The following TLE4 variants were observed in gnomAD, a reference collection of about 807,000 sequenced individuals.
TLE4 encodes transducin-like enhancer protein 4.
Under a neutral mutation model 92.8 loss-of-function variants are expected in TLE4, and 8 were observed. The ratio of observed to expected loss-of-function variants is 0.09; its 90% CI spans 0.05 to 0.16. The LOEUF (loss-of-function observed/expected upper bound fraction) is 0.16, where lower values mean the gene tolerates loss of function less well. Ranked by LOEUF, TLE4 falls within the 10% of genes least tolerant of loss-of-function variation. The probability of loss-of-function intolerance (pLI) is 1.00; values close to 1 mark genes in which losing one functional copy is unlikely to be tolerated. For synonymous variants in TLE4, 371 were observed against 374.1 expected (o/e 0.99, Z 0.10); for missense variants, 675 against 997.6 (o/e 0.68, Z 4.36).
At chr9:79,592,216 C>CTTCTTCTTCCTCT (rs1564203884) in intron 4 of TLE4, among the ~76,000 whole-genome samples, 35 of 98,328 alleles carry the variant, frequency 3.6e-4, no homozygotes, top group Non-Finnish European at 5.8e-4. Context: ...CTTCTTCTTC[C>CTTCTTCTTCCTCT]TCTTCTTCTT....
At chr9:79,705,661 C>A (rs2071339982) in intron 9 of TLE4, among the ~76,000 whole-genome samples, 2 of 152,188 alleles carry the variant, frequency 1.3e-5, no homozygotes, top group Admixed American at 1.3e-4. Flanking sequence ...AATCAGGTCA[C>A]CCTCTTGGTG....
chr9:79,577,369 C>T (rs550712412), intron 4 of TLE4, among the ~76,000 whole-genome samples: 4 of 152,238 alleles, frequency 2.6e-5, no homozygotes, highest in Non-Finnish European at 4.4e-5. Flanking sequence ...AAAAATGAGA[C>T]GTTGCTTACA....
intron 7 of TLE4, among the ~76,000 whole-genome samples, chr9:79,653,723 A>G (rs1223700226): frequency 6.6e-6 from 1 of 152,236 alleles, no homozygotes; most frequent in Non-Finnish European, 1.5e-5. Context: ...CTCTGATATT[A>G]AAAACACTGT....
At position 79,656,337 on chromosome 9, in the gene TLE4, C is replaced by T. The variant is rs117887785; in HGVS notation, c.609+2262C>T. 3.7e-3 allele frequency among the ~76,000 whole-genome samples: 570 copies of T among 152,168 alleles called. 2 individuals are homozygous for T. The highest frequency in any genetic ancestry group is 5.6e-3 in the Non-Finnish European group (384 of 68,012). ...CGTGCCAGTTGCCTGCAGCTGGAGT[C>T]GAGCTTGTATGAAATAATTTATTTA... is the stretch of plus-strand genomic sequence containing the variant. On this transcript the variant is annotated intron_variant, in intron 8 of 19. Coordinates refer to ENST00000376552, the MANE Select transcript of TLE4 (RefSeq NM_007005.6).
intron 6 of TLE4, among the ~76,000 whole-genome samples, chr9:79,646,010 CTCTAG>C (rs2058049316): frequency 6.6e-6 from 1 of 152,028 alleles, no homozygotes; most frequent in Non-Finnish European, 1.5e-5. Flanking sequence ...TATTTTAATA[CTCTAG>C]TCTATGCCCT....
At chr9:79,702,238 G>A (rs939648584) in intron 8 of TLE4, among the ~76,000 whole-genome samples, 14 of 152,140 alleles carry the variant, frequency 9.2e-5, no homozygotes, top group African/African-American at 3.4e-4. Context: ...CAGAAATTTG[G>A]AATTTTTTTC....
intron 6 of TLE4, among the ~76,000 whole-genome samples, chr9:79,630,315 A>G (rs1382751940): frequency 6.6e-6 from 1 of 152,222 alleles, no homozygotes; most frequent in East Asian, 1.9e-4. Context: ...CTTGACAATA[A>G]GCTGGTTGTG....
chr9:79,600,374 A>T (rs936420563), intron 4 of TLE4, among the ~76,000 whole-genome samples: 10 of 151,930 alleles, frequency 6.6e-5, no homozygotes, highest in Admixed American at 6.6e-5. Flanking sequence ...GTTTTTTCTG[A>T]TTTCTCAGCC....
chr9:79,616,798 C>G (rs2049742647), intron 5 of TLE4, among the ~76,000 whole-genome samples: 1 of 152,088 alleles, frequency 6.6e-6, no homozygotes, highest in South Asian at 2.1e-4. Flanking sequence ...CTAAGGTGGA[C>G]CTAAAACTCT....
At chr9:79,687,895 G>C (rs1286168244) in intron 8 of TLE4, among the ~76,000 whole-genome samples, 1 of 152,196 alleles carries the variant, frequency 6.6e-6, no homozygotes, top group Non-Finnish European at 1.5e-5. Flanking sequence ...CTTTTAATGA[G>C]CGTTAAAAGC....
chr9:79,647,560 A>C (rs563462076), intron 6 of TLE4, among the ~76,000 whole-genome samples: 40 of 152,244 alleles, frequency 2.6e-4, no homozygotes, highest in African/African-American at 9.1e-4. Context: ...TATTTCTTCT[A>C]GTTTAATTTT....
chr9:79,590,273 C>A (rs891567932), intron 4 of TLE4, among the ~76,000 whole-genome samples: 1 of 152,178 alleles, frequency 6.6e-6, no homozygotes, highest in African/African-American at 2.4e-5. Flanking sequence ...AGACAAAACA[C>A]TTGTTTGGGC....
intron 11 of TLE4, among the ~76,000 whole-genome samples, chr9:79,707,828 A>G (rs570362343): frequency 6.6e-6 from 1 of 152,344 alleles, no homozygotes; most frequent in African/African-American, 2.4e-5. Context: ...AAGTGGCCAC[A>G]GTTAGGACAT....
At chr9:79,683,511 T>A (rs781250103) in intron 8 of TLE4, among the ~76,000 whole-genome samples, 8 of 152,192 alleles carry the variant, frequency 5.3e-5, no homozygotes, top group Non-Finnish European at 1.0e-4. Context: ...TCAACAATGA[T>A]CCATGTCTAA....
At chr9:79,592,134 C>T (rs1052632889) in intron 4 of TLE4, among the ~76,000 whole-genome samples, 4 of 147,900 alleles carry the variant, frequency 2.7e-5, no homozygotes, top group Non-Finnish European at 3.0e-5. Flanking sequence ...CTTTCTTCTT[C>T]TTTCTTCTTT....
At chr9:79,671,800 C>T (rs909850174) in intron 8 of TLE4, among the ~76,000 whole-genome samples, 4 of 151,870 alleles carry the variant, frequency 2.6e-5, no homozygotes, top group African/African-American at 9.7e-5. Context: ...TGGGGAACAG[C>T]AGACCTGGTT....
At chr9:79,612,795 A>C in intron 5 of TLE4, 77 bp downstream of exon 5, 3 of 1,233,514 alleles carry the variant, frequency 2.4e-6, no homozygotes, top group Non-Finnish European at 3.6e-6. Flanking sequence ...TGTAGAACTG[A>C]CTCTCTGGCC....
At chr9:79,724,825 T>G (rs2076194821) in intron 19 of TLE4, among the ~76,000 whole-genome samples, 1 of 122,378 alleles carries the variant, frequency 8.2e-6, no homozygotes, top group Admixed American at 1.2e-4. Context: ...GCAGCCTGAG[T>G]GACTGAGGGA....
chr9:79,697,566 A>C (rs1433617604), intron 8 of TLE4, among the ~76,000 whole-genome samples: 2 of 152,088 alleles, frequency 1.3e-5, no homozygotes, highest in Non-Finnish European at 2.9e-5. Context: ...CCAGCAGCTC[A>C]GTTTGTCAGC....
Sources: gnomAD v4.1 joint callset for allele counts (sites outside exome capture counted in the v4.1 genomes callset) on GRCh38, gnomAD v4.1.1 for gene constraint, MANE v1.5 for transcripts, NCBI Gene and HGNC (gene_info 2026-07-23, HGNC 2026-07-21) for gene names.